The following KCNIP4 variants were observed in gnomAD, a reference collection of about 807,000 sequenced individuals.
KCNIP4 encodes the protein Kv channel-interacting protein 4.
KCNIP4 carries 12 observed loss-of-function variants against 34.0 expected under a neutral mutation model. The observed-to-expected ratio is 0.35, with a 90% confidence interval of 0.23 to 0.57. KCNIP4 has a LOEUF of 0.57. KCNIP4 is among the 20% of genes least tolerant of loss of function. The probability of loss-of-function intolerance (pLI) is 0.83; values close to 1 mark genes in which losing one functional copy is unlikely to be tolerated. For synonymous variants in KCNIP4, 124 were observed against 102.2 expected (o/e 1.21, Z -1.29); for missense variants, 238 against 311.7 (o/e 0.76, Z 1.78).
intron 1 of KCNIP4, among the ~76,000 whole-genome samples, chr4:21,768,800 G>T (rs1046110567): frequency 6.6e-6 from 1 of 151,784 alleles, no homozygotes; most frequent in Non-Finnish European, 1.5e-5. Flanking sequence ...GATAATCTCT[G>T]GTATACAGCC....
chr4:21,247,849 G>GATATAT (rs370852203), intron 1 of KCNIP4, among the ~76,000 whole-genome samples: 10 of 101,484 alleles, frequency 9.9e-5, no homozygotes, highest in Middle Eastern at 5.3e-3. Flanking sequence ...CACAGGTGGA[G>GATATAT]ATATATATAT....
intron 3 of KCNIP4, among the ~76,000 whole-genome samples, chr4:20,822,167 C>T (rs1160485575): frequency 6.6e-6 from 1 of 152,000 alleles, no homozygotes; most frequent in Non-Finnish European, 1.5e-5. Context: ...AACTATACAT[C>T]CAATAAAGGA....
intron 1 of KCNIP4, among the ~76,000 whole-genome samples, chr4:21,342,252 C>T (rs1214175825): frequency 6.6e-6 from 1 of 152,028 alleles, no homozygotes; most frequent in Admixed American, 6.6e-5. Context: ...AGAAAAAGAA[C>T]ATCCATCTCA....
At chr4:21,812,049 G>C (rs930994894) in intron 1 of KCNIP4, among the ~76,000 whole-genome samples, 1 of 152,088 alleles carries the variant, frequency 6.6e-6, no homozygotes, top group East Asian at 1.9e-4. Flanking sequence ...TACATGTTTG[G>C]CTCAAGAAAA....
At chr4:21,681,206 C>T (rs1205120344) in intron 1 of KCNIP4, among the ~76,000 whole-genome samples, 2 of 152,126 alleles carry the variant, frequency 1.3e-5, no homozygotes, top group Non-Finnish European at 2.9e-5. Context: ...TCCTAAGGAG[C>T]TGGGACTACG....
intron 1 of KCNIP4, among the ~76,000 whole-genome samples, chr4:21,419,367 A>G (rs113923741): frequency 0.013 from 2,008 of 152,248 alleles, 50 homozygotes; most frequent in African/African-American, 0.046. Context: ...GATGATGATG[A>G]TGATGACAAC....
chr4:21,362,017 C>G (rs996201840), intron 1 of KCNIP4, among the ~76,000 whole-genome samples: 1 of 151,904 alleles, frequency 6.6e-6, no homozygotes, highest in Non-Finnish European at 1.5e-5. Context: ...TAACCACTTG[C>G]AAATTAGATA....
At chr4:21,513,791 A>G (rs1431080295) in intron 1 of KCNIP4, among the ~76,000 whole-genome samples, 1 of 152,206 alleles carries the variant, frequency 6.6e-6, no homozygotes, top group East Asian at 1.9e-4. Flanking sequence ...TTAGATAACC[A>G]CAAGAGGAAT....
At chr4:21,250,845 C>A (rs1319540709) in intron 1 of KCNIP4, among the ~76,000 whole-genome samples, 9 of 150,870 alleles carry the variant, frequency 6.0e-5, no homozygotes, top group African/African-American at 2.2e-4. Context: ...CAATATATAT[C>A]AAACATATGT....
At chr4:21,613,211 A>G (rs1258397261) in intron 1 of KCNIP4, 1 of 152,220 alleles carries the variant, frequency 6.6e-6, no homozygotes. Flanking sequence ...GCCTACTACC[A>G]CATTCAATAG....
chr4:21,300,636 C>T (rs891701397), intron 1 of KCNIP4, among the ~76,000 whole-genome samples: 27 of 152,046 alleles, frequency 1.8e-4, no homozygotes, highest in African/African-American at 4.6e-4. Flanking sequence ...CAGCCCCACA[C>T]GTCAAATTCT....
At chr4:21,359,785 T>G (rs1266978945) in intron 1 of KCNIP4, among the ~76,000 whole-genome samples, 1 of 152,050 alleles carries the variant, frequency 6.6e-6, no homozygotes, top group Non-Finnish European at 1.5e-5. Flanking sequence ...TTCTTGGCAA[T>G]CAAATTGGTC....
At chr4:20,924,474 G>A (rs959737721) in intron 1 of KCNIP4, among the ~76,000 whole-genome samples, 2 of 152,188 alleles carry the variant, frequency 1.3e-5, no homozygotes, top group East Asian at 1.9e-4. Flanking sequence ...TTTTAATAGA[G>A]TCTATTTCAA....
intron 1 of KCNIP4, among the ~76,000 whole-genome samples, chr4:21,475,330 A>C (rs1730860992): frequency 6.6e-6 from 1 of 152,186 alleles, no homozygotes; most frequent in Admixed American, 6.5e-5. Flanking sequence ...CTTACAGATG[A>C]AACTGGGGCT....
intron 1 of KCNIP4, among the ~76,000 whole-genome samples, chr4:21,027,623 T>G (rs548231887): frequency 6.6e-6 from 1 of 150,478 alleles, no homozygotes; most frequent in African/African-American, 2.4e-5. Flanking sequence ...TATGTAATCT[T>G]CTTGTCTTTG....
At chr4:20,895,371 TA>T (rs916292273) in intron 1 of KCNIP4, among the ~76,000 whole-genome samples, 13 of 152,130 alleles carry the variant, frequency 8.5e-5, no homozygotes, top group African/African-American at 3.1e-4. Context: ...TAAAAAATAA[TA>T]ATGTGGTTTA....
At chr4:20,773,701 CAAG>C (rs1181986908) in intron 3 of KCNIP4, among the ~76,000 whole-genome samples, 1 of 152,150 alleles carries the variant, frequency 6.6e-6, no homozygotes, top group Non-Finnish European at 1.5e-5. Flanking sequence ...AAATTTCTTT[CAAG>C]AAGGCTATTT....
intron 1 of KCNIP4, among the ~76,000 whole-genome samples, chr4:21,686,566 TA>T (rs1443721478): frequency 6.6e-6 from 1 of 152,210 alleles, no homozygotes; most frequent in Non-Finnish European, 1.5e-5. Context: ...CATTTATACA[TA>T]AATCAACCAT....
Position 20,838,513 on chromosome 4 carries a change from T to G in KCNIP4, c.288+12030A>C, listed in dbSNP as rs1303542257. On this transcript the variant is annotated intron_variant, in intron 3 of 8. Coordinates refer to ENST00000382152, the MANE Select transcript of KCNIP4 (RefSeq NM_025221.6). ...AAACTACATTTCCCATCTTCCCCTGTAGCTAGATGATCCCTGTGACTAAGT... is the reference window on the plus strand; with the variant it reads ...AAACTACATTTCCCATCTTCCCCTGGAGCTAGATGATCCCTGTGACTAAGT... Among the ~76,000 whole-genome samples the G allele has an allele frequency of 3.9e-5, 6 of 152,312 alleles. No individual in the cohort carries two copies. In the East Asian group the frequency reaches 9.7e-4, roughly 25 times the overall value.
Sources: allele counts gnomAD v4.1 joint callset (sites outside exome capture counted in the v4.1 genomes callset), GRCh38; gene constraint gnomAD v4.1.1; transcripts MANE v1.5; gene names NCBI Gene and HGNC (gene_info 2026-07-23, HGNC 2026-07-21).